The following METTL15 variants were observed in gnomAD, a reference collection of about 807,000 sequenced individuals.
METTL15 encodes the protein 12S rRNA N(4)-cytidine methyltransferase METTL15.
METTL15 carries 34 observed loss-of-function variants against 38.3 expected under a neutral mutation model. The ratio of observed to expected loss-of-function variants is 0.89; its 90% CI spans 0.68 to 1.18. METTL15 has a LOEUF of 1.18. METTL15 is among the 50% of genes most tolerant of loss of function. The pLI, the probability that METTL15 is intolerant of heterozygous loss-of-function variation, is 0.00. For missense variants in METTL15, 438 were observed against 498.4 expected (o/e 0.88, Z 1.15); for synonymous variants, 162 against 170.9 (o/e 0.95, Z 0.41).
chr11:28,192,781 A>G (rs942405261), intron 3 of METTL15, among the ~76,000 whole-genome samples: 1 of 152,046 alleles, frequency 6.6e-6, no homozygotes, highest in Non-Finnish European at 1.5e-5. Flanking sequence ...AATCCACAGG[A>G]CAGCCTTTGA....
intron 6 of METTL15, among the ~76,000 whole-genome samples, chr11:28,454,407 T>G (rs2133450162): frequency 6.6e-6 from 1 of 152,360 alleles, no homozygotes; most frequent in South Asian, 2.1e-4. Context: ...ATCAGTGTAT[T>G]TCTTAATAGT....
chr11:28,282,940 A>G (rs1312901424), intron 4 of METTL15, among the ~76,000 whole-genome samples: 1 of 152,210 alleles, frequency 6.6e-6, no homozygotes, highest in African/African-American at 2.4e-5. Flanking sequence ...TAAGTGATCC[A>G]GAGAGAATCA....
intron 4 of METTL15, among the ~76,000 whole-genome samples, chr11:28,255,785 C>T (rs1353581197): frequency 1.2e-4 from 19 of 152,164 alleles, no homozygotes; most frequent in Admixed American, 1.2e-3. Flanking sequence ...CTCACCGCAA[C>T]CTCCACCTCC....
intron 4 of METTL15, among the ~76,000 whole-genome samples, chr11:28,225,306 G>T (rs1016326489): frequency 6.6e-6 from 1 of 151,550 alleles, no homozygotes; most frequent in Admixed American, 6.6e-5. Flanking sequence ...ATTCCATTTT[G>T]CGTTCCTTAT....
intron 3 of METTL15, among the ~76,000 whole-genome samples, chr11:28,349,857 T>C (rs1367463254): frequency 1.3e-5 from 2 of 152,146 alleles, no homozygotes; most frequent in African/African-American, 4.8e-5. Context: ...GAAAAGAAGT[T>C]AATAAAAAAA....
chr11:28,348,142 CT>C (rs1850011459), intron 3 of METTL15, among the ~76,000 whole-genome samples: 1 of 152,114 alleles, frequency 6.6e-6, no homozygotes, highest in Non-Finnish European at 1.5e-5. Context: ...TTCTTGTTCC[CT>C]TTGTAATTAA....
intron 6 of METTL15, among the ~76,000 whole-genome samples, chr11:28,486,986 C>G (rs934524279): frequency 6.6e-6 from 1 of 151,866 alleles, no homozygotes. Flanking sequence ...AAAAGGTACA[C>G]ATAAAATGCA....
At chr11:28,444,690 G>A (rs1456965748) in intron 6 of METTL15, among the ~76,000 whole-genome samples, 1 of 152,266 alleles carries the variant, frequency 6.6e-6, no homozygotes, top group East Asian at 1.9e-4. Context: ...ATGTTGCAAA[G>A]ATTAAGTGAG....
In METTL15 at chr11:28,109,405, C is replaced by G. The variant is rs946706743; in HGVS notation, c.-253-761C>G. Among the ~76,000 whole-genome samples, 3 of 152,174 alleles carry G rather than the reference C, an allele frequency of 2.0e-5. 1 individual carries two copies. Among genetic ancestry groups the G allele is most frequent in the Non-Finnish European group, 4.4e-5 (3 of 68,008 alleles). On this transcript the variant is annotated intron_variant, in intron 1 of 6. Transcript: ENST00000407364. ...GTATAGTACTTTACGTTTTGACTTC[C>G]CAGGTATTTTATTAGTCCCTTTACA...
intron 4 of METTL15, among the ~76,000 whole-genome samples, chr11:28,285,010 G>C (rs1856197496): frequency 6.6e-6 from 1 of 152,128 alleles, no homozygotes; most frequent in Admixed American, 6.6e-5. Context: ...CTGTTCTGGT[G>C]ATAGTGAGTG....
At chr11:28,225,448 A>G (rs1315691855) in intron 4 of METTL15, among the ~76,000 whole-genome samples, 13 of 151,856 alleles carry the variant, frequency 8.6e-5, no homozygotes. Flanking sequence ...TACATTTGCA[A>G]TAACTTGATA....
chr11:28,393,343 T>A (rs1397538143), intron 5 of METTL15, among the ~76,000 whole-genome samples: 2 of 152,096 alleles, frequency 1.3e-5, no homozygotes, highest in African/African-American at 4.8e-5. Flanking sequence ...TATTTAGTCT[T>A]TAAAAATGGA....
chr11:28,425,418 CTT>C (rs1850855212), intron 6 of METTL15, among the ~76,000 whole-genome samples: 3 of 152,208 alleles, frequency 2.0e-5, no homozygotes, highest in South Asian at 2.1e-4. Context: ...AGTGACATCT[CTT>C]GTTTGATTTC....
At chr11:28,237,363 C>T (rs1417247526) in intron 4 of METTL15, among the ~76,000 whole-genome samples, 2 of 152,182 alleles carry the variant, frequency 1.3e-5, no homozygotes, top group East Asian at 1.9e-4. Flanking sequence ...CATCTTCCAT[C>T]ACTGATACCC....
chr11:28,115,935 T>TACAC (rs112533269), intron 3 of METTL15, among the ~76,000 whole-genome samples: 8,837 of 142,380 alleles, frequency 0.062, 315 homozygotes, highest in African/African-American at 0.1. Flanking sequence ...CACATACACA[T>TACAC]ACACACACAC....
chr11:28,393,223 C>T (rs1238260611), intron 5 of METTL15, among the ~76,000 whole-genome samples: 1 of 152,098 alleles, frequency 6.6e-6, no homozygotes, highest in Non-Finnish European at 1.5e-5. Flanking sequence ...TATTTACACA[C>T]TCTTGCTCAT....
chr11:28,229,120 A>G (rs936337160), intron 4 of METTL15, among the ~76,000 whole-genome samples: 2 of 151,950 alleles, frequency 1.3e-5, no homozygotes, highest in African/African-American at 4.8e-5. Flanking sequence ...AGTTTATGCA[A>G]TTTGTTTATC....
intron 5 of METTL15, among the ~76,000 whole-genome samples, chr11:28,408,782 G>C (rs1172537986): frequency 1.3e-5 from 2 of 151,944 alleles, no homozygotes; most frequent in Admixed American, 6.6e-5. Flanking sequence ...ACACACACAT[G>C]TACATATATA....
intron 6 of METTL15, among the ~76,000 whole-genome samples, chr11:28,318,767 C>T (rs1849357508): frequency 6.6e-6 from 1 of 152,116 alleles, no homozygotes; most frequent in Non-Finnish European, 1.5e-5. Context: ...AAAAGGCTCC[C>T]TTCCTAGTAA....
Sources: gnomAD v4.1 joint callset for allele counts (sites outside exome capture counted in the v4.1 genomes callset) on GRCh38, gnomAD v4.1.1 for gene constraint, MANE v1.5 for transcripts, NCBI Gene and HGNC (gene_info 2026-07-23, HGNC 2026-07-21) for gene names.